Variants in MITF observed in about 807,000 individuals in gnomAD.
MITF encodes melanocyte inducing transcription factor.
MITF carries 17 observed loss-of-function variants against 60.5 expected under a neutral mutation model. The ratio of observed to expected loss-of-function variants is 0.28; its 90% CI spans 0.19 to 0.42. The LOEUF (loss-of-function observed/expected upper bound fraction) is 0.42, where lower values mean the gene tolerates loss of function less well. Among genes scored for constraint, MITF ranks in the 10% least tolerant of loss-of-function variants. The pLI, the probability that MITF is intolerant of heterozygous loss-of-function variation, is 1.00. For missense variants in MITF, 622 were observed against 683.5 expected (o/e 0.91, Z 1.00); for synonymous variants, 260 against 248.5 (o/e 1.05, Z -0.43).
chr3:69,939,154 C>G lies in MITF; in HGVS notation c.639C>G (p.Asn213Lys), dbSNP rs137944487. 15 of 1,613,976 alleles carry G rather than the reference C, an allele frequency of 9.3e-6. No homozygotes were observed. The highest frequency in any genetic ancestry group is 1.3e-5 in the Non-Finnish European group (15 of 1,180,004). Residue 213 changes from asparagine (N) to lysine (K), a missense_variant, in exon 4 of 10, where the codon AAC (asparagine) becomes AAG (lysine). Asn to Lys is a moderately conservative substitution (Grantham distance 94). Around this residue, in one of 5 missense-constraint regions of MITF, gnomAD observed 215 missense variants for 224.8 expected, o/e 0.96. Transcript: ENST00000352241. Reference sequence around the variant, plus strand: ...CAGAGAGCGAGTGCCCAGGCATGAACACACATTCACGAGCGTCCTGTATGC... The same window carrying G: ...CAGAGAGCGAGTGCCCAGGCATGAAGACACATTCACGAGCGTCCTGTATGC... ...NRAESECPGM[N>K]THSRASCMQM...
At chr3:69,821,486 C>G (rs903675030) in intron 1 of MITF, among the ~76,000 whole-genome samples, 1 of 151,856 alleles carries the variant, frequency 6.6e-6, no homozygotes, top group Non-Finnish European at 1.5e-5. Flanking sequence ...TGGCAGAAAC[C>G]GTACACTTCG....
intron 1 of MITF, among the ~76,000 whole-genome samples, chr3:69,841,378 T>A (rs2063633289): frequency 6.6e-6 from 1 of 152,206 alleles, no homozygotes. Context: ...GTATAATATT[T>A]GAAAAGGTGA....
intron 1 of MITF, among the ~76,000 whole-genome samples, chr3:69,805,529 TTTG>T (rs1034368437): frequency 1.1e-4 from 17 of 152,218 alleles, no homozygotes; most frequent in Non-Finnish European, 2.2e-4. Context: ...TATTTGCTTA[TTTG>T]TTGTTATCTT....
intron 1 of MITF, among the ~76,000 whole-genome samples, chr3:69,808,957 G>C (rs1378061524): frequency 1.3e-5 from 2 of 152,042 alleles, no homozygotes; most frequent in African/African-American, 4.8e-5. Context: ...TGGGGAGAGT[G>C]GTTCAGTGGC....
intron 1 of MITF, among the ~76,000 whole-genome samples, chr3:69,750,194 TA>T (rs1559607636): frequency 6.6e-6 from 1 of 152,112 alleles, no homozygotes; most frequent in Non-Finnish European, 1.5e-5. Flanking sequence ...GATACCTTTC[TA>T]AAAAAGTCAA....
At chr3:69,854,831 A>G (rs563491341) in intron 1 of MITF, among the ~76,000 whole-genome samples, 3 of 152,198 alleles carry the variant, frequency 2.0e-5, no homozygotes, top group African/African-American at 4.8e-5. Flanking sequence ...AGACCTGTCA[A>G]ATGTCCCATG....
At chr3:69,808,001 ACAGGT>A (rs2063037979) in intron 1 of MITF, among the ~76,000 whole-genome samples, 1 of 149,932 alleles carries the variant, frequency 6.7e-6, no homozygotes, top group Non-Finnish European at 1.5e-5. Flanking sequence ...TATAGACTTA[ACAGGT>A]CAGCCTGTTT....
chr3:69,939,791 G>C (rs1230691749), intron 4 of MITF, among the ~76,000 whole-genome samples: 1 of 151,894 alleles, frequency 6.6e-6, no homozygotes, highest in Admixed American at 6.6e-5. Flanking sequence ...TTTGTCATAA[G>C]AGAAAAAAAT....
rs181507819 is a variant in MITF at position 69,813,692 on chromosome 3, G to A, written c.105-65442G>A. ...AAGTATGAATGGAGTATACAATACC[G>A]TTCTTTTTAACAACTGACAAATTGA... On this transcript the variant is annotated intron_variant, in intron 1 of 9. Transcript: ENST00000352241. 5.3e-5 allele frequency among the ~76,000 whole-genome samples: 8 copies of A among 152,212 alleles called. No homozygotes were observed. The East Asian group carries it at 7.7e-4, about 15-fold the overall frequency.
At chr3:69,764,013 A>G (rs981770545) in intron 1 of MITF, 1 of 1,153,964 alleles carries the variant, frequency 8.7e-7, no homozygotes, top group African/African-American at 1.6e-5. Context: ...AGGGATGTCA[A>G]TCTTTATATC....
At chr3:69,868,567 A>G (rs2064160312) in intron 1 of MITF, among the ~76,000 whole-genome samples, 1 of 152,100 alleles carries the variant, frequency 6.6e-6, no homozygotes, top group African/African-American at 2.4e-5. Context: ...GTTTTCGTCT[A>G]CCAGGTGTAT....
At chr3:69,776,705 G>A (rs2062479300) in intron 1 of MITF, among the ~76,000 whole-genome samples, 1 of 152,114 alleles carries the variant, frequency 6.6e-6, no homozygotes, top group Admixed American at 6.5e-5. Flanking sequence ...GTAATATGCG[G>A]ATGATTCTAG....
At chr3:69,750,471 CTTTTT>C (rs199909971) in intron 1 of MITF, among the ~76,000 whole-genome samples, 2 of 123,860 alleles carry the variant, frequency 1.6e-5, no homozygotes, top group Non-Finnish European at 3.4e-5. Flanking sequence ...AGTGACACTC[CTTTTT>C]TTTTTTTTTT....
At chr3:69,893,395 G>T (rs1238167655) in intron 2 of MITF, among the ~76,000 whole-genome samples, 2 of 152,016 alleles carry the variant, frequency 1.3e-5, no homozygotes, top group Admixed American at 1.3e-4. Context: ...GTTAGATCGG[G>T]CGATATCCAT....
At chr3:69,919,663 A>T (rs751783548) in intron 2 of MITF, among the ~76,000 whole-genome samples, 112 of 152,350 alleles carry the variant, frequency 7.4e-4, no homozygotes, top group Non-Finnish European at 1.5e-3. Flanking sequence ...CATTTGGCAC[A>T]CTTCTATAAT....
At chr3:69,949,543 C>T (rs183360391) in intron 6 of MITF, among the ~76,000 whole-genome samples, 1 of 152,194 alleles carries the variant, frequency 6.6e-6, no homozygotes, top group East Asian at 1.9e-4. Context: ...GAGGCATTTG[C>T]ATTTGAGAAC....
chr3:69,770,794 G>A (rs2062381947), intron 1 of MITF, among the ~76,000 whole-genome samples: 2 of 152,174 alleles, frequency 1.3e-5, no homozygotes, highest in South Asian at 2.1e-4. Flanking sequence ...GTTGAATGTA[G>A]GAAGTGGTTA....
chr3:69,829,652 G>C (rs1173651295), intron 1 of MITF, among the ~76,000 whole-genome samples: 1 of 147,966 alleles, frequency 6.8e-6, no homozygotes, highest in African/African-American at 2.5e-5. Flanking sequence ...ATATATTTGT[G>C]TATATACAAA....
chr3:69,759,694 G>A (rs796074439), intron 1 of MITF, among the ~76,000 whole-genome samples: 7 of 152,272 alleles, frequency 4.6e-5, no homozygotes, highest in African/African-American at 1.4e-4. Flanking sequence ...TTACCCACTG[G>A]GGAAAACATT....
Sources: allele counts gnomAD v4.1 joint callset (sites outside exome capture counted in the v4.1 genomes callset), GRCh38; gene constraint gnomAD v4.1.1; regional missense constraint gnomAD v4.1.1; transcripts MANE v1.5; gene names NCBI Gene and HGNC (gene_info 2026-07-23, HGNC 2026-07-21).